The following CAMSAP1 variants were observed in gnomAD, a reference collection of about 807,000 sequenced individuals.
CAMSAP1 encodes calmodulin regulated spectrin associated protein 1.
A neutral mutation model predicts 143.5 loss-of-function variants in CAMSAP1; 58 were observed. The observed-to-expected ratio is 0.40, with a 90% CI of 0.33 to 0.50. CAMSAP1 has a LOEUF of 0.50. CAMSAP1 is among the 20% of genes least tolerant of loss of function. CAMSAP1 has a pLI of 0.45. For missense variants in CAMSAP1, 1,969 were observed against 2,115.7 expected (o/e 0.93, Z 1.36); for synonymous variants, 945 against 859.3 (o/e 1.10, Z -1.74).
rs777960141 is a variant in CAMSAP1, at chr9:135,821,030, T to C, written c.3631A>G (p.Ser1211Gly). ...LDASVKEVGS[S>G]SSDVSGKESV... The stretch of plus-strand genomic sequence containing the variant: ...TCTTTTCCCGAGACATCTGAGGAGC[T>C]GGACCCCACCTCCTTCACACTCGCA... The change falls in exon 11 of 17, where the codon AGC becomes GGC. Residue 1211 changes from serine (S) to glycine (G), a missense_variant. By Grantham distance (56) the Ser-to-Gly change is moderately conservative. This residue lies in a region of CAMSAP1 where 1,390 missense variants were observed against 1,420.8 expected (regional missense o/e 0.98). Coordinates refer to ENST00000389532, the MANE Select transcript of CAMSAP1 (RefSeq NM_015447.4). The surrounding 1 kb of genome is among the most constrained non-coding windows in gnomAD (Gnocchi z 4.6). The C allele has an allele frequency of 5.0e-6, 8 of 1,613,860 alleles. No homozygotes were observed. The African/African-American group carries it at 9.3e-5, about 19-fold the overall frequency.
At chr9:135,900,113 T>C (rs916460346) in intron 1 of CAMSAP1, among the ~76,000 whole-genome samples, 5 of 152,078 alleles carry the variant, frequency 3.3e-5, no homozygotes, top group Non-Finnish European at 5.9e-5. Context: ...GCAGGCTCAA[T>C]CTCCTGGGCT....
chr9:135,885,604 A>G (rs774587118), intron 1 of CAMSAP1, among the ~76,000 whole-genome samples: 19 of 152,182 alleles, frequency 1.2e-4, no homozygotes, highest in Non-Finnish European at 2.2e-4. Context: ...AAAAGCAACC[A>G]TGGCTCTGAT....
chr9:135,888,306 T>C (rs151143038), intron 1 of CAMSAP1, among the ~76,000 whole-genome samples: 48 of 152,320 alleles, frequency 3.2e-4, no homozygotes, highest in Non-Finnish European at 6.5e-4. Context: ...GGTCAGGAAG[T>C]GGCCATCTGT....
chr9:135,811,591 G>C lies in CAMSAP1; in HGVS notation c.4527C>G (p.Ala1509=), dbSNP rs147212718. 10,923 of 1,592,592 alleles carry C rather than the reference G, an allele frequency of 6.9e-3. 56 individuals carry two copies. Among genetic ancestry groups the C allele is most frequent in the Middle Eastern group, 8.8e-3 (53 of 6,044 alleles). The change falls in exon 17 of 17, where the codon GCC becomes GCG. Residue 1509 remains alanine, a synonymous_variant. Transcript: ENST00000389532. The surrounding 1 kb of genome is among the most constrained non-coding windows in gnomAD (Gnocchi z 4.9). ...CACGAAACAGTATGATGTAGTGATT[G>C]GCATCACACTTCTCCAGCTCCTGTG... ...SILEELEKCD[A]NHYIILFRDA... is the part of the protein sequence containing the mutation.
intron 5 of CAMSAP1, among the ~76,000 whole-genome samples, chr9:135,850,815 G>A (rs749858832): frequency 1.1e-4 from 16 of 152,140 alleles, no homozygotes; most frequent in African/African-American, 2.7e-4. Flanking sequence ...AGTTTCTTCC[G>A]CCCATCAGAA....
At position 135,882,560 on chromosome 9, in the gene CAMSAP1, C is replaced by A. The variant is rs531054609; in HGVS notation, c.423+256G>T. 2.0e-5 allele frequency among the ~76,000 whole-genome samples: 3 copies of A among 152,348 alleles called. No individual in the cohort carries two copies. The East Asian group carries it at 5.8e-4, about 29-fold the overall frequency. On this transcript the variant is annotated intron_variant, in intron 2 of 16. Transcript: ENST00000389532. This position sits in a 1 kb window ranked among gnomAD's most constrained non-coding sequence, Gnocchi z 4.9. ...TTCAAGTATTTTTATTAACAGGCCTCACTCCAATCTCAGCATTCACAGAGC... is the reference window on the plus strand; with the variant it reads ...TTCAAGTATTTTTATTAACAGGCCTAACTCCAATCTCAGCATTCACAGAGC...
At chr9:135,851,491 T>C (rs1244235947) in intron 5 of CAMSAP1, among the ~76,000 whole-genome samples, 3 of 152,208 alleles carry the variant, frequency 2.0e-5, no homozygotes, top group African/African-American at 4.8e-5. Flanking sequence ...TAACGTCTTA[T>C]AGGCTTCAGA....
chr9:135,848,291 G>C (rs1488275138), intron 7 of CAMSAP1, among the ~76,000 whole-genome samples: 1 of 152,052 alleles, frequency 6.6e-6, no homozygotes, highest in East Asian at 1.9e-4. Flanking sequence ...CTAACAGCAA[G>C]GTAACCCAGT....
chr9:135,862,036 T>C (rs939292996), intron 5 of CAMSAP1, among the ~76,000 whole-genome samples: 11 of 152,208 alleles, frequency 7.2e-5, no homozygotes, highest in African/African-American at 2.7e-4. Flanking sequence ...AAGTTCTAGG[T>C]GATTTAAATC....
rs762290394 is a variant in CAMSAP1, at chr9:135,818,396, G to A, written c.4168+12C>T. 7.7e-6 allele frequency: 12 copies of A among 1,562,168 alleles called. No individual in the cohort carries two copies. Among genetic ancestry groups the A allele is most frequent in the Admixed American group, 1.8e-5 (1 of 54,540 alleles). On this transcript the variant is annotated intron_variant, in intron 13 of 16. Transcript: ENST00000389532. The surrounding 1 kb of genome is among the most constrained non-coding windows in gnomAD (Gnocchi z 7.7). ...AGGAAGCGCTGCCCGCGTGAGGGCC[G>A]GGGCTGCTTACGGGTGGAGGAGCAC...
intron 1 of CAMSAP1, among the ~76,000 whole-genome samples, chr9:135,899,705 G>A (rs1016727977): frequency 2.0e-5 from 3 of 152,018 alleles, no homozygotes; most frequent in South Asian, 2.1e-4. Context: ...TTTCCCACAC[G>A]GTGTGCACAT....
In CAMSAP1 at chr9:135,811,689, G is replaced by A; in HGVS notation, c.4507-78C>T. ...TGCCACGAGTTGGGCTCCCACAGCG[G>A]CTCAACCAGCACCGCTCCGTGGGAA... On this transcript the variant is annotated intron_variant, in intron 16 of 16. Coordinates refer to ENST00000389532, the MANE Select transcript of CAMSAP1 (RefSeq NM_015447.4). This position sits in a 1 kb window ranked among gnomAD's most constrained non-coding sequence, Gnocchi z 4.9. 7.1e-7 allele frequency: 1 copy of A among 1,402,800 alleles called. No homozygotes were observed. Among genetic ancestry groups the A allele is most frequent in the Non-Finnish European group, 9.7e-7 (1 of 1,028,398 alleles). The allele number at this position is 1,402,800 out of a possible 1,614,324, so 86.9% of individuals were successfully genotyped here. A position where few individuals can be genotyped will look rare whatever the true frequency, so the allele number is the denominator to read the frequency against.
intron 4 of CAMSAP1, among the ~76,000 whole-genome samples, chr9:135,866,166 C>T (rs1228083856): frequency 6.6e-6 from 1 of 152,194 alleles, no homozygotes; most frequent in Non-Finnish European, 1.5e-5. Flanking sequence ...GAAGCTAGCA[C>T]CCAGGTGGGC....
Position 135,818,355 on chromosome 9 carries a change from G to C in CAMSAP1, c.4168+53C>G. 1 of 1,501,728 alleles carries C rather than the reference G, an allele frequency of 6.7e-7. No homozygotes were observed. Among genetic ancestry groups the C allele is most frequent in the South Asian group, 1.2e-5 (1 of 80,898 alleles). 93.0% of individuals were successfully genotyped at this position (1,501,728 alleles called of 1,614,324 possible). ...AATTGAAATGAGCTGAAGAACGTGA[G>C]GCCGCCGCCCGCGGAAGGAAGCGCT... On this transcript the variant is annotated intron_variant, in intron 13 of 16. Coordinates refer to ENST00000389532, the MANE Select transcript of CAMSAP1 (RefSeq NM_015447.4). This position sits in a 1 kb window ranked among gnomAD's most constrained non-coding sequence, Gnocchi z 7.7.
rs539303001 is a variant in CAMSAP1, at chr9:135,818,696, C to G, written c.3960-80G>C. On this transcript the variant is annotated intron_variant, in intron 12 of 16. Transcript: ENST00000389532. The surrounding 1 kb of genome is among the most constrained non-coding windows in gnomAD (Gnocchi z 7.7). ...CCTGCGCCGCGGCGCTCTGTCCAGGCGCGTTTCTCGGGTTCTCCCCGGCCG... is the reference window on the plus strand; with the variant it reads ...CCTGCGCCGCGGCGCTCTGTCCAGGGGCGTTTCTCGGGTTCTCCCCGGCCG... 4.3e-5 allele frequency: 63 copies of G among 1,482,202 alleles called. 1 individual carries two copies. The South Asian group carries it at 7.8e-4, about 18-fold the overall frequency. The allele number at this position is 1,482,202 out of a possible 1,614,324, so 91.8% of individuals were successfully genotyped here. A position where few individuals can be genotyped will look rare whatever the true frequency, so the allele number is the denominator to read the frequency against.
intron 7 of CAMSAP1, chr9:135,836,008 T>G: frequency 1.6e-6 from 1 of 622,586 alleles, no homozygotes; most frequent in South Asian, 7.1e-5. Context: ...AACAAAAAAA[T>G]TATTCTGACA....
rs941238093 is a variant in CAMSAP1 at position 135,815,038 on chromosome 9, C to T, written c.4506+59G>A. 5.7e-6 allele frequency: 7 copies of T among 1,221,312 alleles called. No individual in the cohort carries two copies. In the African/African-American group the frequency reaches 1.1e-4, roughly 18 times the overall value. 75.7% of individuals were successfully genotyped at this position (1,221,312 alleles called of 1,614,324 possible). ...GGGGTGTTTTCTTTTAAAAAGAACCCTTAATTTATAAACACTTTTTATTCC... is the reference window on the plus strand; with the variant it reads ...GGGGTGTTTTCTTTTAAAAAGAACCTTTAATTTATAAACACTTTTTATTCC... On this transcript the variant is annotated intron_variant, in intron 16 of 16. Transcript: ENST00000389532.
At chr9:135,823,612 T>C (rs10123786) in intron 10 of CAMSAP1, among the ~76,000 whole-genome samples, 3,068 of 152,292 alleles carry the variant, frequency 0.02, 94 homozygotes, top group African/African-American at 0.07. Context: ...CCATGACAAA[T>C]GACTATATTC....
intron 1 of CAMSAP1, among the ~76,000 whole-genome samples, chr9:135,892,085 C>CA (rs1838306880): frequency 6.6e-6 from 1 of 152,034 alleles, no homozygotes; most frequent in Non-Finnish European, 1.5e-5. Flanking sequence ...AAGGTTGATG[C>CA]AAAAAAGTAT....
Sources: gnomAD v4.1 joint callset for allele counts (sites outside exome capture counted in the v4.1 genomes callset) on GRCh38, gnomAD v4.1.1 for gene constraint, gnomAD v4.1.1 regional missense constraint, Gnocchi (gnomAD v3.1) non-coding constraint, MANE v1.5 for transcripts, NCBI Gene and HGNC (gene_info 2026-07-23, HGNC 2026-07-21) for gene names.